Variants in ZNF385D observed in about 807,000 individuals in gnomAD.
ZNF385D encodes the protein zinc finger protein 385D.
A neutral mutation model predicts 35.8 loss-of-function variants in ZNF385D; 15 were observed. The ratio of observed to expected loss-of-function variants is 0.42; its 90% CI spans 0.28 to 0.64. ZNF385D has a LOEUF of 0.64. Ranked by LOEUF, ZNF385D falls within the 30% of genes least tolerant of loss-of-function variation. The pLI is 0.23. For synonymous variants in ZNF385D, 212 were observed against 186.8 expected (o/e 1.13, Z -1.10); for missense variants, 474 against 494.6 (o/e 0.96, Z 0.39).
chr3:21,579,133 T>C (rs948885535), intron 2 of ZNF385D: 16 of 152,194 alleles, frequency 1.1e-4, no homozygotes, highest in African/African-American at 3.9e-4. Flanking sequence ...GTCAGGTTTC[T>C]CGATGTTTAT....
chr3:21,649,010 A>G (rs2065835130), intron 2 of ZNF385D, among the ~76,000 whole-genome samples: 1 of 152,122 alleles, frequency 6.6e-6, no homozygotes, highest in Non-Finnish European at 1.5e-5. Flanking sequence ...AATCTACAAT[A>G]CAAACCTAGG....
intron 2 of ZNF385D, among the ~76,000 whole-genome samples, chr3:21,645,292 A>T (rs1178473104): frequency 6.6e-6 from 1 of 152,114 alleles, no homozygotes; most frequent in Non-Finnish European, 1.5e-5. Context: ...ACAGTTGTTG[A>T]GAGGGGGTGG....
chr3:21,984,881 C>A (rs1340132275), intron 3 of ZNF385D, among the ~76,000 whole-genome samples: 2 of 138,670 alleles, frequency 1.4e-5, no homozygotes, highest in Admixed American at 1.4e-4. Context: ...AGGTCCTTCA[C>A]GTCCCTTGTA....
At chr3:21,952,858 A>T (rs1386815113) in intron 3 of ZNF385D, among the ~76,000 whole-genome samples, 1 of 151,972 alleles carries the variant, frequency 6.6e-6, no homozygotes, top group African/African-American at 2.4e-5. Context: ...ACTAAACTCA[A>T]ATGAAATTTC....
chr3:22,266,905 A>G (rs1425444285), intron 2 of ZNF385D, among the ~76,000 whole-genome samples: 2 of 151,950 alleles, frequency 1.3e-5, no homozygotes, highest in African/African-American at 4.8e-5. Context: ...CATAAAGCCA[A>G]GGAAAACAAA....
In ZNF385D at chr3:22,368,033, AC is replaced by A. The variant is rs573162433; in HGVS notation, c.106+4416del. On this transcript the variant is annotated intron_variant, in intron 2 of 5. Transcript: ENST00000494108. ...AAGGAAGGAAAATGAAAATTCTCTT[AC>A]TGAAAACTTCTCACTGAAAAGACCT... Among the ~76,000 whole-genome samples the A allele has an allele frequency of 3.6e-4, 55 of 152,358 alleles. No homozygotes were observed. The East Asian group carries it at 0.01, about 28-fold the overall frequency.
At chr3:21,516,527 G>A (rs889681219) in intron 3 of ZNF385D, among the ~76,000 whole-genome samples, 4 of 152,116 alleles carry the variant, frequency 2.6e-5, no homozygotes, top group South Asian at 4.1e-4. Flanking sequence ...GATCAATGGA[G>A]ATGGCATGAA....
At chr3:21,922,813 C>T (rs1167037536) in intron 3 of ZNF385D, among the ~76,000 whole-genome samples, 1 of 152,034 alleles carries the variant, frequency 6.6e-6, no homozygotes, top group Non-Finnish European at 1.5e-5. Flanking sequence ...AAAAGGGCTT[C>T]CACACAGCAA....
At position 22,046,067 on chromosome 3, in the gene ZNF385D, G is replaced by A. The variant is rs948246878; in HGVS notation, c.325+122750C>T. On this transcript the variant is annotated intron_variant, in intron 3 of 5. Coordinates refer to the ZNF385D transcript ENST00000494108. ...ATTGTCAACCCTGGCAGATTCAGCT[G>A]GGAGGAAAATTGATGATAGTGGCTT... 6.4e-4 allele frequency among the ~76,000 whole-genome samples: 96 copies of A among 149,570 alleles called. 1 individual carries two copies. The highest frequency in any genetic ancestry group is 2.3e-3 in the African/African-American group (92 of 40,822).
chr3:21,826,610 G>C (rs1236201247), intron 3 of ZNF385D, among the ~76,000 whole-genome samples: 1 of 152,162 alleles, frequency 6.6e-6, no homozygotes, highest in Non-Finnish European at 1.5e-5. Flanking sequence ...AGGAAAAGAA[G>C]CAAGGATGTG....
intron 3 of ZNF385D, among the ~76,000 whole-genome samples, chr3:21,974,776 T>C (rs1309750336): frequency 6.6e-6 from 1 of 152,100 alleles, no homozygotes; most frequent in Non-Finnish European, 1.5e-5. Flanking sequence ...TAGACGTTTC[T>C]CAAAAGAAGG....
At chr3:21,577,763 G>T (rs2063535354) in intron 2 of ZNF385D, among the ~76,000 whole-genome samples, 1 of 150,592 alleles carries the variant, frequency 6.6e-6, no homozygotes, top group African/African-American at 2.4e-5. Context: ...GATAATTAGT[G>T]ATGTTGAGCA....
At chr3:21,943,445 T>C (rs1701631155) in intron 3 of ZNF385D, among the ~76,000 whole-genome samples, 1 of 151,900 alleles carries the variant, frequency 6.6e-6, no homozygotes, top group Admixed American at 6.6e-5. Flanking sequence ...TAATGACTTC[T>C]GCAGTGACAA....
intron 3 of ZNF385D, among the ~76,000 whole-genome samples, chr3:22,123,891 A>C (rs1476775288): frequency 7.3e-5 from 9 of 123,820 alleles, no homozygotes; most frequent in South Asian, 4.6e-4. Flanking sequence ...CAAACCAAAC[A>C]AAAACAAAAC....
In ZNF385D at chr3:21,493,306, A is replaced by G. The variant is rs550749053; in HGVS notation, c.439+17555T>C. On this transcript the variant is annotated intron_variant, in intron 4 of 7. Transcript: ENST00000281523. The stretch of plus-strand genomic sequence containing the variant: ...GATTTCTGTCCCATTTCTTATATTC[A>G]TGGTCTTCTGTGAAGCAAATTCTTT... Among the ~76,000 whole-genome samples the G allele has an allele frequency of 4.6e-5, 7 of 152,274 alleles. No individual in the cohort carries two copies. In the East Asian group the frequency reaches 1.4e-3, roughly 29 times the overall value.
intron 2 of ZNF385D, among the ~76,000 whole-genome samples, chr3:22,270,506 T>C (rs931835972): frequency 6.6e-6 from 1 of 152,086 alleles, no homozygotes; most frequent in African/African-American, 2.4e-5. Context: ...GATAAACTTA[T>C]AATTAAATTA....
At chr3:22,044,710 G>A (rs747928155) in intron 3 of ZNF385D, among the ~76,000 whole-genome samples, 2 of 152,104 alleles carry the variant, frequency 1.3e-5, no homozygotes, top group Admixed American at 6.6e-5. Flanking sequence ...TATTGGGAAG[G>A]AAGGTGGAGA....
intron 1 of ZNF385D, among the ~76,000 whole-genome samples, chr3:21,666,591 AG>A (rs1218361616): frequency 6.6e-6 from 1 of 152,192 alleles, no homozygotes; most frequent in Non-Finnish European, 1.5e-5. Context: ...CATTCACCAG[AG>A]CACACACACT....
intron 3 of ZNF385D, among the ~76,000 whole-genome samples, chr3:21,928,327 GGAA>G: frequency 6.8e-6 from 1 of 146,220 alleles, no homozygotes; most frequent in South Asian, 2.3e-4. Context: ...GAGGAAGGAA[GGAA>G]GGAGGGAGGG....
Sources: allele counts gnomAD v4.1 joint callset (sites outside exome capture counted in the v4.1 genomes callset), GRCh38; gene constraint gnomAD v4.1.1; transcripts MANE v1.5; gene names NCBI Gene and HGNC (gene_info 2026-07-23, HGNC 2026-07-21).